Variants in VRK3 observed in about 807,000 individuals in gnomAD.
VRK3 encodes serine/threonine-protein kinase VRK3.
A neutral mutation model predicts 60.4 loss-of-function variants in VRK3; 50 were observed. That is an observed-to-expected ratio of 0.83 (90% confidence interval 0.66 to 1.05). The LOEUF is 1.05. Among genes scored for constraint, VRK3 ranks in the 50% least tolerant of loss-of-function variants. VRK3 has a pLI of 0.00. For missense variants in VRK3, 549 were observed against 585.3 expected (o/e 0.94, Z 0.64); for synonymous variants, 246 against 227.8 (o/e 1.08, Z -0.72).
intron 5 of VRK3, among the ~76,000 whole-genome samples, chr19:50,002,312 C>A (rs1403359853): frequency 1.3e-5 from 2 of 152,142 alleles, no homozygotes; most frequent in Non-Finnish European, 2.9e-5. Context: ...GCCAGCTCTA[C>A]ACGTTCAAGG....
intron 5 of VRK3, among the ~76,000 whole-genome samples, chr19:50,001,714 C>G (rs2076810209): frequency 6.6e-6 from 1 of 152,164 alleles, no homozygotes. Flanking sequence ...CATGCATGGT[C>G]CCATCTGACA....
At chr19:49,980,544 C>T (rs2076405017) in intron 13 of VRK3, among the ~76,000 whole-genome samples, 1 of 151,886 alleles carries the variant, frequency 6.6e-6, no homozygotes, top group South Asian at 2.1e-4. Flanking sequence ...GATGAAACCC[C>T]GTCTCTACTA....
intron 3 of VRK3, among the ~76,000 whole-genome samples, chr19:50,012,621 G>A (rs1270854961): frequency 5.3e-5 from 8 of 152,256 alleles, no homozygotes; most frequent in South Asian, 2.1e-4. Context: ...GACTCTGGCC[G>A]GGTGCAGTGG....
intron 11 of VRK3, 40 bp downstream of exon 11, chr19:49,989,599 G>T: frequency 6.4e-7 from 1 of 1,571,242 alleles, no homozygotes; most frequent in African/African-American, 1.4e-5. Context: ...TGTATAAGAA[G>T]CATCTCTCTG....
In VRK3 at chr19:50,000,863, G is replaced by C; in HGVS notation, c.548-9C>G. The C allele has an allele frequency of 1.2e-6, 2 of 1,611,866 alleles. No individual in the cohort carries two copies. Among genetic ancestry groups the C allele is most frequent in the East Asian group, 2.2e-5 (1 of 44,812 alleles). On this transcript the variant is annotated splice_polypyrimidine_tract_variant and intron_variant, in intron 5 of 14. Coordinates refer to ENST00000316763, the MANE Select transcript of VRK3 (RefSeq NM_016440.4). ...GGTGGAGGTGGGTGCAGCTGTGGGGGAACAAACAAGGGAGTGAGGTTATAA... is the reference window on the plus strand; with the variant it reads ...GGTGGAGGTGGGTGCAGCTGTGGGGCAACAAACAAGGGAGTGAGGTTATAA...
intron 2 of VRK3, among the ~76,000 whole-genome samples, chr19:50,018,754 C>T (rs191893978): frequency 1.2e-4 from 19 of 152,302 alleles, no homozygotes; most frequent in African/African-American, 4.3e-4. Flanking sequence ...CTAGAGGTCT[C>T]ACTGCCTCTT....
At chr19:49,981,329 G>A (rs750775531) in intron 12 of VRK3, 7 of 327,998 alleles carry the variant, frequency 2.1e-5, no homozygotes, top group South Asian at 3.7e-5. Context: ...GGTGGATCAC[G>A]AGGTCAGGAG....
intron 12 of VRK3, among the ~76,000 whole-genome samples, chr19:49,987,207 T>TA (rs2076530885): frequency 6.6e-6 from 1 of 152,180 alleles, no homozygotes; most frequent in African/African-American, 2.4e-5. Context: ...AGTGCATGCC[T>TA]AGCACGCCCG....
intron 5 of VRK3, among the ~76,000 whole-genome samples, chr19:50,005,082 C>G (rs894442851): frequency 1.0e-4 from 15 of 148,656 alleles, no homozygotes; most frequent in Non-Finnish European, 2.1e-4. Flanking sequence ...TGGGAAGGAC[C>G]CTGTACAGTT....
chr19:50,021,545 A>G (rs1203665318), intron 1 of VRK3, among the ~76,000 whole-genome samples: 5 of 152,220 alleles, frequency 3.3e-5, no homozygotes, highest in African/African-American at 9.6e-5. Context: ...AGCCACCATC[A>G]GCTGCTGGGT....
intron 5 of VRK3, among the ~76,000 whole-genome samples, chr19:50,002,980 C>T (rs1484515082): frequency 1.3e-5 from 2 of 152,236 alleles, no homozygotes; most frequent in Non-Finnish European, 1.5e-5. Flanking sequence ...AGCACATATA[C>T]GGCAGTGGCC....
intron 5 of VRK3, chr19:50,001,242 TCAGA>T: frequency 5.2e-6 from 1 of 190,654 alleles, no homozygotes; most frequent in Non-Finnish European, 1.1e-5. Context: ...CGGATACATG[TCAGA>T]CAGAGGGGGC....
At chr19:50,021,885 C>A in intron 1 of VRK3, among the ~76,000 whole-genome samples, 1 of 152,346 alleles carries the variant, frequency 6.6e-6, no homozygotes, top group Middle Eastern at 3.4e-3. Flanking sequence ...TCCCAATCAC[C>A]CTTTTCAAGG....
chr19:50,022,513 C>T (rs1219995189), intron 1 of VRK3, among the ~76,000 whole-genome samples: 4 of 152,120 alleles, frequency 2.6e-5, no homozygotes, highest in South Asian at 4.1e-4. Flanking sequence ...GGGTCGGACA[C>T]GGTGGCTCAC....
intron 12 of VRK3, among the ~76,000 whole-genome samples, chr19:49,982,435 G>A (rs1271564343): frequency 6.6e-6 from 1 of 152,158 alleles, no homozygotes; most frequent in Non-Finnish European, 1.5e-5. Flanking sequence ...GAGCCACCAC[G>A]CCTGGCTGAG....
chr19:50,006,399 G>A (rs145692331), intron 5 of VRK3, among the ~76,000 whole-genome samples: 8,225 of 150,216 alleles, frequency 0.055, 261 homozygotes, highest in Middle Eastern at 0.11. Flanking sequence ...TTTTTGAGAC[G>A]GAGTCTCGCT....
chr19:49,995,788 G>C (rs114628470), intron 7 of VRK3, among the ~76,000 whole-genome samples: 1 of 152,008 alleles, frequency 6.6e-6, no homozygotes, highest in African/African-American at 2.4e-5. Flanking sequence ...TTGCTCTGTC[G>C]CCCTGGATGG....
At chr19:49,981,380 C>T (rs1033724783) in intron 12 of VRK3, among the ~76,000 whole-genome samples, 1 of 152,094 alleles carries the variant, frequency 6.6e-6, no homozygotes, top group Non-Finnish European at 1.5e-5. Context: ...ACTGTCCCTA[C>T]TAAAAATATA....
At chr19:49,983,966 G>C (rs538345912) in intron 12 of VRK3, among the ~76,000 whole-genome samples, 1 of 152,230 alleles carries the variant, frequency 6.6e-6, no homozygotes, top group Non-Finnish European at 1.5e-5. Flanking sequence ...CTGGAGCTGG[G>C]GCTGTGGAAT....
Sources: gnomAD v4.1 joint callset for allele counts (sites outside exome capture counted in the v4.1 genomes callset) on GRCh38, gnomAD v4.1.1 for gene constraint, MANE v1.5 for transcripts, NCBI Gene and HGNC (gene_info 2026-07-23, HGNC 2026-07-21) for gene names.